The following ADGRB3 variants were observed in gnomAD, a reference collection of about 807,000 sequenced individuals.
The protein encoded by ADGRB3 is brain-specific angiogenesis inhibitor 3.
In ADGRB3, 37 loss-of-function variants were observed where a neutral mutation model predicts 193.4. The observed-to-expected ratio is 0.19, with a 90% CI of 0.15 to 0.25. The LOEUF (loss-of-function observed/expected upper bound fraction) is 0.25. ADGRB3 is among the 10% of genes least tolerant of loss of function. The pLI, the probability that ADGRB3 is intolerant of heterozygous loss-of-function variation, is 1.00. For missense variants in ADGRB3, 1,637 were observed against 1,852.9 expected (o/e 0.88, Z 2.14); for synonymous variants, 690 against 644.2 (o/e 1.07, Z -1.08).
intron 3 of ADGRB3, among the ~76,000 whole-genome samples, chr6:68,741,656 G>GA (rs2127341674): frequency 6.6e-6 from 1 of 152,266 alleles, no homozygotes; most frequent in African/African-American, 2.4e-5. Flanking sequence ...GCAAAGTTCT[G>GA]AGACTACAGG....
chr6:68,940,627 C>T (rs752662786), intron 5 of ADGRB3, among the ~76,000 whole-genome samples: 41 of 135,768 alleles, frequency 3.0e-4, no homozygotes, highest in Admixed American at 1.1e-3. Flanking sequence ...TAGCCGGGTG[C>T]GGTGGCTCAC....
intron 13 of ADGRB3, among the ~76,000 whole-genome samples, chr6:69,025,797 G>T (rs1770416767): frequency 6.6e-6 from 1 of 152,148 alleles, no homozygotes; most frequent in African/African-American, 2.4e-5. Flanking sequence ...AGAGTTCTTT[G>T]ATTGCTTCTC....
chr6:69,092,135 T>G (rs995536121), intron 17 of ADGRB3, among the ~76,000 whole-genome samples: 1 of 152,226 alleles, frequency 6.6e-6, no homozygotes, highest in African/African-American at 2.4e-5. Flanking sequence ...GATTCTCCAG[T>G]ATCTCTTAAA....
intron 17 of ADGRB3, among the ~76,000 whole-genome samples, chr6:69,082,875 G>A (rs975204726): frequency 9.2e-5 from 14 of 152,074 alleles, no homozygotes; most frequent in African/African-American, 3.4e-4. Context: ...ATTCTTTGAG[G>A]CCAAGGATAA....
chr6:68,842,610 C>T (rs1303052605), intron 3 of ADGRB3, among the ~76,000 whole-genome samples: 1 of 151,860 alleles, frequency 6.6e-6, no homozygotes, highest in Non-Finnish European at 1.5e-5. Context: ...TAATATTGAT[C>T]CTACTCAAAC....
At chr6:69,017,854 T>C (rs1473311779) in intron 12 of ADGRB3, among the ~76,000 whole-genome samples, 1 of 151,970 alleles carries the variant, frequency 6.6e-6, no homozygotes, top group Admixed American at 6.6e-5. Context: ...GCACTAGGGC[T>C]ATTAATATTA....
intron 31 of ADGRB3, among the ~76,000 whole-genome samples, chr6:69,388,192 A>G (rs1770115120): frequency 6.6e-6 from 1 of 152,172 alleles, no homozygotes; most frequent in Admixed American, 6.6e-5. Flanking sequence ...TAAATATTCT[A>G]AAATGTTAAT....
At chr6:69,314,921 C>G (rs1354802603) in intron 20 of ADGRB3, among the ~76,000 whole-genome samples, 3 of 151,464 alleles carry the variant, frequency 2.0e-5, no homozygotes, top group Non-Finnish European at 4.4e-5. Context: ...AGTTGAGGTG[C>G]TTTATCCAGG....
intron 5 of ADGRB3, among the ~76,000 whole-genome samples, chr6:68,941,922 T>TTATATA (rs144561594): frequency 5.4e-4 from 80 of 148,164 alleles, no homozygotes; most frequent in African/African-American, 1.9e-3. Flanking sequence ...AGACTTACTT[T>TTATATA]TATATATATA....
chr6:69,239,727 T>C lies in ADGRB3; in HGVS notation c.2814+501T>C, dbSNP rs183302653. On this transcript the variant is annotated intron_variant, in intron 20 of 31. Coordinates refer to ENST00000370598, the MANE Select transcript of ADGRB3 (RefSeq NM_001704.3). ...TAGATGAAAGCTACTTTAGATTTTA[T>C]GCCTTTCAAAATTTTTGCTTCACCT... Among the ~76,000 whole-genome samples the C allele has an allele frequency of 5.0e-3, 760 of 151,234 alleles. 4 individuals are homozygous for C. The highest frequency in any genetic ancestry group is 7.0e-3 in the Non-Finnish European group (475 of 67,592).
At chr6:69,337,721 T>C (rs932158575) in intron 24 of ADGRB3, among the ~76,000 whole-genome samples, 1 of 152,198 alleles carries the variant, frequency 6.6e-6, no homozygotes, top group African/African-American at 2.4e-5. Flanking sequence ...CAGGATCTGC[T>C]GATCAATCTA....
At chr6:68,978,399 G>A (rs1032004001) in intron 10 of ADGRB3, among the ~76,000 whole-genome samples, 1 of 151,294 alleles carries the variant, frequency 6.6e-6, no homozygotes, top group Admixed American at 6.6e-5. Flanking sequence ...ATATATTTTG[G>A]CATATGAATT....
chr6:69,377,171 GCTA>G (rs1769843626), intron 30 of ADGRB3, among the ~76,000 whole-genome samples: 2 of 151,882 alleles, frequency 1.3e-5, no homozygotes, highest in African/African-American at 4.8e-5. Flanking sequence ...TTCACTTTAG[GCTA>G]ATATTCAACA....
chr6:68,940,547 C>CTTTTTTTTTTTTTTTTTTTT, intron 5 of ADGRB3, among the ~76,000 whole-genome samples: 5 of 69,214 alleles, frequency 7.2e-5, no homozygotes, highest in African/African-American at 1.1e-4. Flanking sequence ...TGCTTTTGAA[C>CTTTTTTTTTTTTTTTTTTTT]TTTTTTTTTT....
intron 20 of ADGRB3, among the ~76,000 whole-genome samples, chr6:69,252,394 T>C (rs1766642697): frequency 6.6e-6 from 1 of 152,142 alleles, no homozygotes. Context: ...TGGACATGTA[T>C]TTTCATTTCT....
chr6:68,828,576 G>A (rs1407918512), intron 3 of ADGRB3, among the ~76,000 whole-genome samples: 1 of 151,838 alleles, frequency 6.6e-6, no homozygotes, highest in Non-Finnish European at 1.5e-5. Context: ...AGAAGAGGTT[G>A]GATATCAAAA....
At chr6:68,920,033 C>T (rs2150241711) in intron 3 of ADGRB3, among the ~76,000 whole-genome samples, 1 of 152,160 alleles carries the variant, frequency 6.6e-6, no homozygotes, top group Non-Finnish European at 1.5e-5. Flanking sequence ...CTGGCGGTAA[C>T]TCAGAGCATC....
At chr6:69,274,271 C>G (rs998288756) in intron 20 of ADGRB3, among the ~76,000 whole-genome samples, 1 of 152,144 alleles carries the variant, frequency 6.6e-6, no homozygotes, top group African/African-American at 2.4e-5. Flanking sequence ...CTAAGCCAAA[C>G]CAATTTTGTG....
rs778021111 is a variant in ADGRB3 at position 69,361,201 on chromosome 6, G to T, written c.3928G>T (p.Val1310Leu). The change falls in exon 29 of 32, where the codon GTG becomes TTG. Residue 1310 changes from valine to leucine, a missense_variant. Physicochemically the swap from Val to Leu is conservative, Grantham distance 32 (BLOSUM62 1). Coordinates refer to ENST00000370598, the MANE Select transcript of ADGRB3 (RefSeq NM_001704.3). ...AAGAATGATGGAAAGTGACTATATT[G>T]TGATGCCCAGAAGTTCTGTAAATAA... ...QERMMESDYIVMPRSSVNNQP... is the reference protein window; with the variant it reads ...QERMMESDYILMPRSSVNNQP... 3 of 1,612,452 alleles carry T rather than the reference G, an allele frequency of 1.9e-6. No individual in the cohort carries two copies. The highest frequency in any genetic ancestry group is 2.5e-6 in the Non-Finnish European group (3 of 1,179,236).
Sources: allele counts gnomAD v4.1 joint callset (sites outside exome capture counted in the v4.1 genomes callset), GRCh38; gene constraint gnomAD v4.1.1; transcripts MANE v1.5; gene names NCBI Gene and HGNC (gene_info 2026-07-23, HGNC 2026-07-21).